CTNNA2: variants seen among roughly 807,000 people sequenced by gnomAD.
CTNNA2 encodes catenin alpha 2, also known as catenin alpha-2.
In CTNNA2, 42 loss-of-function variants were observed where a neutral mutation model predicts 101.0. The ratio of observed to expected loss-of-function variants is 0.42; its 90% CI spans 0.32 to 0.54. CTNNA2 has a LOEUF of 0.54. Among genes scored for constraint, CTNNA2 ranks in the 20% least tolerant of loss-of-function variants. CTNNA2 has a pLI of 0.14. For missense variants in CTNNA2, 871 were observed against 1,223.1 expected, an observed-to-expected ratio of 0.71 and a Z score of 4.29; for synonymous variants, 450 against 456.4, an observed-to-expected ratio of 0.99 and a Z score of 0.18.
intron 4 of CTNNA2, among the ~76,000 whole-genome samples, chr2:79,867,126 C>G (rs1160297141): frequency 1.3e-5 from 2 of 152,128 alleles, no homozygotes; most frequent in African/African-American, 2.4e-5. Context: ...CCTCCATGAA[C>G]AGTAAATGTT....
intron 2 of CTNNA2, among the ~76,000 whole-genome samples, chr2:79,708,971 G>A (rs1573748909): frequency 6.6e-6 from 1 of 152,180 alleles, no homozygotes; most frequent in African/African-American, 2.4e-5. Flanking sequence ...AATTTGAGGA[G>A]AGTCCTTGAT....
chr2:80,353,640 A>G (rs1316012080), intron 7 of CTNNA2, among the ~76,000 whole-genome samples: 1 of 152,186 alleles, frequency 6.6e-6, no homozygotes, highest in African/African-American at 2.4e-5. Context: ...TGCCTCTCAC[A>G]TATTTACCGC....
intron 9 of CTNNA2, among the ~76,000 whole-genome samples, chr2:80,488,553 A>T (rs1247004651): frequency 6.6e-6 from 1 of 152,218 alleles, no homozygotes. Context: ...CTAGGCAAAG[A>T]GTTAAAATCA....
chr2:79,903,572 T>C (rs13402050), intron 6 of CTNNA2, among the ~76,000 whole-genome samples: 2 of 152,150 alleles, frequency 1.3e-5, no homozygotes, highest in Non-Finnish European at 2.9e-5. Flanking sequence ...TTCAGGCCCT[T>C]GAGGAAGCAA....
chr2:80,440,172 G>T (rs958501881), intron 9 of CTNNA2, among the ~76,000 whole-genome samples: 2 of 152,124 alleles, frequency 1.3e-5, no homozygotes, highest in Non-Finnish European at 1.5e-5. Context: ...ATTGATTTTG[G>T]TGTTTAGTAA....
intron 4 of CTNNA2, among the ~76,000 whole-genome samples, chr2:79,453,589 C>T (rs954499841): frequency 6.6e-6 from 1 of 152,098 alleles, no homozygotes; most frequent in African/African-American, 2.4e-5. Context: ...GTTGGCTCTC[C>T]ATAAGTGGTA....
chr2:80,163,916 A>G (rs1431904710), intron 7 of CTNNA2, among the ~76,000 whole-genome samples: 1 of 151,796 alleles, frequency 6.6e-6, no homozygotes, highest in Non-Finnish European at 1.5e-5. Context: ...TGATATTAAT[A>G]TAGCCAATTC....
intron 2 of CTNNA2, among the ~76,000 whole-genome samples, chr2:79,705,967 A>G (rs1177403823): frequency 6.6e-6 from 1 of 152,188 alleles, no homozygotes; most frequent in African/African-American, 2.4e-5. Context: ...AGTAAACTGA[A>G]GTTAGTCAGG....
intron 7 of CTNNA2, among the ~76,000 whole-genome samples, chr2:80,368,446 C>T (rs1006575713): frequency 6.6e-5 from 10 of 151,998 alleles, no homozygotes; most frequent in Non-Finnish European, 1.5e-4. Flanking sequence ...TAAATTTTTA[C>T]GTGCATGTGC....
chr2:79,531,193 C>T (rs1672713847), intron 1 of CTNNA2, among the ~76,000 whole-genome samples: 1 of 97,402 alleles, frequency 1.0e-5, no homozygotes, highest in Non-Finnish European at 2.0e-5. Flanking sequence ...AATAGATACG[C>T]TCATATATAT....
chr2:79,725,747 C>G (rs1339822254), intron 2 of CTNNA2, among the ~76,000 whole-genome samples: 1 of 152,128 alleles, frequency 6.6e-6, no homozygotes, highest in Non-Finnish European at 1.5e-5. Flanking sequence ...TGAAGATGCT[C>G]CCCAGTTCCT....
intron 2 of CTNNA2, among the ~76,000 whole-genome samples, chr2:79,743,089 A>G (rs1671403500): frequency 6.6e-6 from 1 of 152,186 alleles, no homozygotes; most frequent in Admixed American, 6.5e-5. Context: ...GGCTTTCTTA[A>G]TAACCTCCAA....
At chr2:79,968,277 T>C (rs68162946) in intron 7 of CTNNA2, among the ~76,000 whole-genome samples, 40,834 of 152,036 alleles carry the variant, frequency 0.27, 6,534 homozygotes, top group African/African-American at 0.44. Context: ...TCCTGCTCTA[T>C]GTGTTGGTCA....
chr2:79,875,557 A>C (rs1682955518), intron 6 of CTNNA2, among the ~76,000 whole-genome samples: 1 of 152,206 alleles, frequency 6.6e-6, no homozygotes, highest in Admixed American at 6.5e-5. Context: ...CTGGAAAAAA[A>C]GGTCCAGGAG....
chr2:80,315,731 G>A (rs936891494), intron 7 of CTNNA2, among the ~76,000 whole-genome samples: 1 of 152,210 alleles, frequency 6.6e-6, no homozygotes, highest in Admixed American at 6.5e-5. Flanking sequence ...TCCACCTCTT[G>A]ATGGGACGGG....
intron 7 of CTNNA2, among the ~76,000 whole-genome samples, chr2:80,133,284 G>A (rs1213295951): frequency 4.6e-5 from 7 of 152,266 alleles, no homozygotes; most frequent in East Asian, 3.9e-4. Flanking sequence ...TTCTGAGGGA[G>A]CGTGGACCTG....
intron 7 of CTNNA2, among the ~76,000 whole-genome samples, chr2:80,144,035 A>G (rs1703175850): frequency 6.6e-6 from 1 of 152,120 alleles, no homozygotes; most frequent in Admixed American, 6.5e-5. Context: ...AAGGCTTCTG[A>G]CCCTCTATGT....
At chr2:79,815,764 A>T (rs1029239645) in intron 3 of CTNNA2, among the ~76,000 whole-genome samples, 5 of 144,888 alleles carry the variant, frequency 3.5e-5, no homozygotes, top group Non-Finnish European at 7.4e-5. Context: ...TTCCATATGA[A>T]TTTTAGATTT....
At chr2:80,545,515 T>C (rs144826164) in intron 10 of CTNNA2, among the ~76,000 whole-genome samples, 56 of 152,224 alleles carry the variant, frequency 3.7e-4, no homozygotes, top group Middle Eastern at 3.4e-3. Flanking sequence ...CACTATACTC[T>C]CCACTCCTGT....
Sources: gnomAD v4.1 joint callset for allele counts (sites outside exome capture counted in the v4.1 genomes callset) on GRCh38, gnomAD v4.1.1 for gene constraint, MANE v1.5 for transcripts, NCBI Gene and HGNC (gene_info 2026-07-23, HGNC 2026-07-21) for gene names.